Variants in DST observed in about 807,000 individuals in gnomAD.
The protein encoded by DST is dystonin.
DST carries 253 observed loss-of-function variants against 875.2 expected under a neutral mutation model. That is an observed-to-expected ratio of 0.29 (90% CI 0.26 to 0.32). The LOEUF (loss-of-function observed/expected upper bound fraction) is 0.32. DST is among the 10% of genes least tolerant of loss of function. DST has a pLI of 1.00. For synonymous variants in DST, 3,124 were observed against 3,197.1 expected, an observed-to-expected ratio of 0.98 and a Z score of 0.77; for missense variants, 8,287 against 9,111.6, an observed-to-expected ratio of 0.91 and a Z score of 3.68.
At chr6:56,860,960 T>A (rs1442817176) in intron 3 of DST, among the ~76,000 whole-genome samples, 1 of 151,992 alleles carries the variant, frequency 6.6e-6, no homozygotes, top group South Asian at 2.1e-4. Flanking sequence ...TCTCCATTAC[T>A]GGAGACAACA....
intron 4 of DST, among the ~76,000 whole-genome samples, chr6:56,754,311 G>A (rs550179862): frequency 8.6e-4 from 131 of 152,228 alleles, no homozygotes; most frequent in Middle Eastern, 3.4e-3. Flanking sequence ...CATAATAAAG[G>A]CAGATTTCTG....
chr6:56,932,051 G>T (rs1415810799), intron 2 of DST, among the ~76,000 whole-genome samples: 1 of 152,152 alleles, frequency 6.6e-6, no homozygotes, highest in African/African-American at 2.4e-5. Flanking sequence ...GGGGCTGAAT[G>T]ATATGGTTTG....
intron 9 of DST, among the ~76,000 whole-genome samples, chr6:56,687,422 C>T (rs1207647632): frequency 2.0e-5 from 3 of 152,102 alleles, no homozygotes; most frequent in African/African-American, 7.2e-5. Flanking sequence ...AATTCAGTTC[C>T]TGTTCCCACT....
intron 10 of DST, among the ~76,000 whole-genome samples, chr6:56,653,854 T>C (rs1339874392): frequency 1.3e-5 from 2 of 152,212 alleles, no homozygotes; most frequent in East Asian, 3.8e-4. Flanking sequence ...GTGTGTCCTG[T>C]CCACCACCTT....
intron 69 of DST, among the ~76,000 whole-genome samples, chr6:56,526,137 T>C (rs528916572): frequency 6.6e-6 from 1 of 152,350 alleles, no homozygotes; most frequent in East Asian, 1.9e-4. Context: ...AGGATAAATC[T>C]GTGAAACAAT....
In DST at chr6:56,501,530, A is replaced by G; in HGVS notation, c.19730T>C (p.Ile6577Thr). 2 of 1,572,096 alleles carry G rather than the reference A, an allele frequency of 1.3e-6. No homozygotes were observed. The highest frequency in any genetic ancestry group is 1.7e-6 in the Non-Finnish European group (2 of 1,159,436). Reference sequence around the variant, plus strand: ...AGTCTTGGTATTTACCTGTCTGTTGATGATTCTCTCCTCCAGGCTATCCCA... The same window carrying G: ...AGTCTTGGTATTTACCTGTCTGTTGGTGATTCTCTCCTCCAGGCTATCCCA... ...LIWDSLEERIINRQHKLEGAL... is the reference protein window; with the variant it reads ...LIWDSLEERITNRQHKLEGAL... The change falls in exon 79 of 104, where the codon ATC becomes ACC. Residue 6577 changes from isoleucine to threonine, a missense_variant. Ile to Thr is a moderately conservative substitution (Grantham distance 89, BLOSUM62 -1). Coordinates refer to ENST00000680361, the MANE Select transcript of DST (RefSeq NM_001374736.1).
chr6:56,775,525 G>A (rs909613220), intron 4 of DST, among the ~76,000 whole-genome samples: 1 of 152,114 alleles, frequency 6.6e-6, no homozygotes, highest in Non-Finnish European at 1.5e-5. Flanking sequence ...CAAAGGCCCA[G>A]CGCTTAGATA....
intron 73 of DST, 92 bp downstream of exon 73, chr6:56,511,105 T>C: frequency 9.0e-7 from 1 of 1,112,792 alleles, no homozygotes; most frequent in East Asian, 2.6e-5. Flanking sequence ...GAAATAATTT[T>C]AGTTAAAATT....
At chr6:56,771,213 T>C (rs1022628882) in intron 4 of DST, among the ~76,000 whole-genome samples, 4 of 152,090 alleles carry the variant, frequency 2.6e-5, no homozygotes, top group African/African-American at 9.7e-5. Context: ...ATTCCCTTTA[T>C]ATAAGAGTCT....
At chr6:56,771,153 T>TA (rs768011048) in intron 4 of DST, among the ~76,000 whole-genome samples, 196 of 146,026 alleles carry the variant, frequency 1.3e-3, no homozygotes, top group Middle Eastern at 0.01. Flanking sequence ...TAATTTATCT[T>TA]AAAAAAAAAA....
chr6:56,930,279 A>C (rs1261097052), intron 2 of DST, among the ~76,000 whole-genome samples: 2 of 152,232 alleles, frequency 1.3e-5, no homozygotes, highest in African/African-American at 4.8e-5. Context: ...CCTAGATTCC[A>C]GTTGTTGAAA....
chr6:56,755,601 C>A (rs1212976089), intron 4 of DST, among the ~76,000 whole-genome samples: 2 of 152,056 alleles, frequency 1.3e-5, no homozygotes, highest in East Asian at 3.9e-4. Context: ...ATTACCAAAT[C>A]CCCTATTCTT....
intron 4 of DST, among the ~76,000 whole-genome samples, chr6:56,790,285 G>A (rs923937913): frequency 2.0e-5 from 3 of 152,074 alleles, no homozygotes; most frequent in African/African-American, 4.8e-5. Context: ...TATCATGCCC[G>A]TTTTACAAAA....
At chr6:56,706,867 A>G (rs1235717664) in intron 5 of DST, among the ~76,000 whole-genome samples, 2 of 152,068 alleles carry the variant, frequency 1.3e-5, no homozygotes, top group African/African-American at 2.4e-5. Context: ...TAGCCGGGCA[A>G]TGTGGCGTAT....
chr6:56,498,170 T>A, intron 80 of DST, 117 bp from the exon 81 acceptor site: 1 of 1,035,648 alleles, frequency 9.7e-7, no homozygotes, highest in Non-Finnish European at 1.4e-6. Context: ...GTTATATGTG[T>A]AGAATTTTAA....
chr6:56,605,387 T>C lies in DST; in HGVS notation c.9241A>G (p.Thr3081Ala), dbSNP rs766883891. ...TTAATTAACTTGAAACTATCCCTTG[T>C]ATTTTTACCAGGCAAAAGTTTGAGA... ...RHLKLLPGKNTRDSFKLINSQ... is the reference protein window; with the variant it reads ...RHLKLLPGKNARDSFKLINSQ... The change falls in exon 40 of 104, where the codon ACA (threonine) becomes GCA (alanine). Residue 3081 changes from threonine (T) to alanine (A), a missense_variant. By Grantham distance (58) the Thr-to-Ala change is moderately conservative (BLOSUM62 0). Transcript: ENST00000680361. 6.8e-6 allele frequency: 11 copies of C among 1,612,764 alleles called. No individual in the cohort carries two copies. The highest frequency in any genetic ancestry group is 9.3e-6 in the Non-Finnish European group (11 of 1,179,262).
rs1333327341 is a variant in DST, at chr6:56,600,224, A to G, written c.11542-3T>C. The G allele has an allele frequency of 1.9e-6, 3 of 1,609,862 alleles. No homozygotes were observed. Among genetic ancestry groups the G allele is most frequent in the Non-Finnish European group, 2.5e-6 (3 of 1,177,978 alleles). On this transcript the variant is annotated splice_polypyrimidine_tract_variant and splice_region_variant and intron_variant, in intron 44 of 103. Transcript: ENST00000680361. ...TCCTGCTGACGCTCTGCTACAATCT[A>G]AAGTGAAGAAAACCCAAAACATCTT...
At position 56,875,276 on chromosome 6, in the gene DST, GC is replaced by G. The variant is rs1396248487; in HGVS notation, c.418-23673del. On this transcript the variant is annotated intron_variant, in intron 3 of 103. Coordinates refer to ENST00000680361, the MANE Select transcript of DST (RefSeq NM_001374736.1). The stretch of plus-strand genomic sequence containing the variant: ...TGGGATTACAGGCATGAGCCACCAT[GC>G]CCCGCCTGCCAGAGATGTTTTAAGA... Among the ~76,000 whole-genome samples the G allele has an allele frequency of 3.0e-4, 45 of 152,192 alleles. 2 individuals are homozygous for G. The highest frequency in any genetic ancestry group is 1.3e-4 in the Non-Finnish European group (9 of 68,040).
chr6:56,864,236 C>A (rs570131998), intron 3 of DST, among the ~76,000 whole-genome samples: 9 of 152,336 alleles, frequency 5.9e-5, no homozygotes, highest in Non-Finnish European at 8.8e-5. Context: ...AATATCAGCT[C>A]TTTCCTGAAT....
Sources: allele counts gnomAD v4.1 joint callset (sites outside exome capture counted in the v4.1 genomes callset), GRCh38; gene constraint gnomAD v4.1.1; transcripts MANE v1.5; gene names NCBI Gene and HGNC (gene_info 2026-07-23, HGNC 2026-07-21).